The following TLN2 variants were observed in gnomAD, a reference collection of about 807,000 sequenced individuals.
The protein encoded by TLN2 is talin-2.
Under a neutral mutation model 294.7 loss-of-function variants are expected in TLN2, and 118 were observed. The observed-to-expected ratio is 0.40, with a 90% CI of 0.34 to 0.47. The LOEUF (loss-of-function observed/expected upper bound fraction) is 0.47. Ranked by LOEUF, TLN2 falls within the 20% of genes least tolerant of loss-of-function variation. The pLI is 0.84. For synonymous variants in TLN2, 1,431 were observed against 1,304.5 expected (o/e 1.10, Z -2.09); for missense variants, 3,083 against 3,282.2 (o/e 0.94, Z 1.48).
rs1596604852 is a variant in TLN2, at chr15:62,670,736, T to C, written c.789-3091T>C. On this transcript the variant is annotated intron_variant, in intron 9 of 58. Transcript: ENST00000636159. ...TGGACTTTTGAGTTATTATCATCTTTTGGCTATCATTAATAATGCTGCTGT... is the reference window on the plus strand; with the variant it reads ...TGGACTTTTGAGTTATTATCATCTTCTGGCTATCATTAATAATGCTGCTGT... Among the ~76,000 whole-genome samples, 3 of 152,234 alleles carry C rather than the reference T, an allele frequency of 2.0e-5. No homozygotes were observed. The South Asian group carries it at 6.2e-4, about 31-fold the overall frequency.
At chr15:62,761,952 T>C (rs2062704868) in intron 38 of TLN2, 131 bp downstream of exon 38, 1 of 1,234,456 alleles carries the variant, frequency 8.1e-7, no homozygotes, top group Non-Finnish European at 1.2e-6. Context: ...TTGTCAATGA[T>C]GGCATGTGCA....
intron 1 of TLN2, among the ~76,000 whole-genome samples, chr15:62,568,925 C>T (rs1230536932): frequency 1.3e-5 from 2 of 152,136 alleles, no homozygotes; most frequent in Non-Finnish European, 1.5e-5. Context: ...CAGCTGGTGG[C>T]TTGTAACGAC....
intron 1 of TLN2, among the ~76,000 whole-genome samples, chr15:62,588,694 A>ATT (rs1488336251): frequency 1.5e-5 from 2 of 130,790 alleles, no homozygotes; most frequent in African/African-American, 6.4e-5. Flanking sequence ...ATATATATAT[A>ATT]TATATATATA....
intron 13 of TLN2, among the ~76,000 whole-genome samples, chr15:62,693,970 T>TTTG (rs2058126459): frequency 8.1e-6 from 1 of 123,238 alleles, no homozygotes. Context: ...TTTTTTTTTT[T>TTTG]TTTTTTTTTT....
chr15:62,690,751 C>G (rs1288187795), intron 12 of TLN2, among the ~76,000 whole-genome samples: 2 of 150,726 alleles, frequency 1.3e-5, no homozygotes, highest in Non-Finnish European at 2.9e-5. Flanking sequence ...CAGACTCCGT[C>G]TGCAATCCCG....
At chr15:62,449,706 A>G (rs1083866) in intron 1 of TLN2, among the ~76,000 whole-genome samples, 121,600 of 152,056 alleles carry the variant, frequency 0.8, 48,819 homozygotes, top group East Asian at 1. Flanking sequence ...GCCCAAGGAG[A>G]TTGAGGCTGC....
intron 15 of TLN2, 132 bp downstream of exon 15, chr15:62,698,000 T>C: frequency 1.7e-6 from 2 of 1,177,376 alleles, no homozygotes; most frequent in Non-Finnish European, 2.3e-6. Flanking sequence ...CTCGTTCAGC[T>C]GTGCATTTTT....
chr15:62,697,556 C>A, intron 14 of TLN2, 132 bp from the exon 15 acceptor site: 1 of 915,454 alleles, frequency 1.1e-6, no homozygotes, highest in Admixed American at 2.8e-5. Flanking sequence ...TCCTGCTTCT[C>A]AGTCTGTATG....
intron 1 of TLN2, among the ~76,000 whole-genome samples, chr15:62,400,200 C>T (rs2032918976): frequency 1.3e-5 from 2 of 152,184 alleles, no homozygotes; most frequent in Non-Finnish European, 2.9e-5. Context: ...ATGTTTGCTT[C>T]CCCTTCTGCC....
chr15:62,701,975 G>T lies in TLN2; in HGVS notation c.1697-17G>T. The T allele has an allele frequency of 6.2e-7, 1 of 1,613,560 alleles. No individual in the cohort carries two copies. Among genetic ancestry groups the T allele is most frequent in the Middle Eastern group, 1.7e-4 (1 of 6,034 alleles). On this transcript the variant is annotated splice_polypyrimidine_tract_variant and intron_variant, in intron 17 of 58. Coordinates refer to ENST00000636159, the MANE Select transcript of TLN2 (RefSeq NM_015059.3). The stretch of plus-strand genomic sequence containing the variant: ...CATGTGCCCTCCTTTGATGGGGATG[G>T]TTCTTTTCTGTGCCAGGTGACCCTG...
At chr15:62,491,286 CA>C (rs1480242016) in intron 1 of TLN2, among the ~76,000 whole-genome samples, 1 of 150,450 alleles carries the variant, frequency 6.6e-6, no homozygotes, top group Non-Finnish European at 1.5e-5. Context: ...GAAATTGTGC[CA>C]CTGCACTCCA....
At chr15:62,637,846 C>T (rs2050551114) in intron 3 of TLN2, 1 of 152,292 alleles carries the variant, frequency 6.6e-6, no homozygotes, top group Non-Finnish European at 1.5e-5. Flanking sequence ...GGATGCTGGG[C>T]TGACGGGTAA....
chr15:62,825,755 A>T lies in TLN2; in HGVS notation c.7002+5145A>T, dbSNP rs2068008274. Among the ~76,000 whole-genome samples, 11 of 103,166 alleles carry T rather than the reference A, an allele frequency of 1.1e-4. 1 individual carries two copies. The highest frequency in any genetic ancestry group is 5.2e-4 in the African/African-American group (11 of 21,136). The allele number at this position is 103,166 out of a possible 152,430, so 67.7% of individuals were successfully genotyped here. A position where few individuals can be genotyped will look rare whatever the true frequency, so the allele number is the denominator to read the frequency against. On this transcript the variant is annotated intron_variant, in intron 54 of 58. Coordinates refer to ENST00000636159, the MANE Select transcript of TLN2 (RefSeq NM_015059.3). ...ATATATTTTTATATATATTAAATAT[A>T]ATTATAATTATATATTATATAATAT...
chr15:62,757,484 A>G (rs2062360365), intron 37 of TLN2, among the ~76,000 whole-genome samples: 2 of 152,212 alleles, frequency 1.3e-5, no homozygotes, highest in Admixed American at 6.5e-5. Flanking sequence ...CCAACGGAGT[A>G]AAAACAGGAA....
chr15:62,422,477 A>G lies in TLN2; in HGVS notation c.-238+31792A>G, dbSNP rs188902173. Among the ~76,000 whole-genome samples, 67 of 152,330 alleles carry G rather than the reference A, an allele frequency of 4.4e-4. 1 individual carries two copies. The highest frequency in any genetic ancestry group is 3.4e-3 in the Middle Eastern group (1 of 294). On this transcript the variant is annotated intron_variant, in intron 1 of 58. Coordinates refer to ENST00000636159, the MANE Select transcript of TLN2 (RefSeq NM_015059.3). The stretch of plus-strand genomic sequence containing the variant: ...AGTTAGTTGCTATTAATATAAAATT[A>G]TAGTTTTTACTGTATTACAGTAATT...
At chr15:62,399,187 G>T (rs377090253) in intron 1 of TLN2, among the ~76,000 whole-genome samples, 258 of 138,026 alleles carry the variant, frequency 1.9e-3, no homozygotes, top group African/African-American at 6.2e-3. Flanking sequence ...GATTTCGGAG[G>T]CTGTATAGAA....
chr15:62,811,881 G>A (rs530001493), intron 52 of TLN2, among the ~76,000 whole-genome samples: 3 of 151,930 alleles, frequency 2.0e-5, no homozygotes, highest in Non-Finnish European at 4.4e-5. Flanking sequence ...GCATGGTGGT[G>A]GGTGCCTGTA....
chr15:62,486,452 GTTTTTTT>G (rs34975634), intron 1 of TLN2, among the ~76,000 whole-genome samples: 5 of 93,290 alleles, frequency 5.4e-5, no homozygotes, highest in South Asian at 6.3e-4. Context: ...CAGTTCCTTT[GTTTTTTT>G]TTTTTTTTTT....
At chr15:62,619,770 G>C (rs1315345604) in intron 3 of TLN2, among the ~76,000 whole-genome samples, 4 of 152,104 alleles carry the variant, frequency 2.6e-5, no homozygotes, top group Non-Finnish European at 5.9e-5. Flanking sequence ...AGCCTTGGAG[G>C]GTAGCGTGTT....
Sources: allele counts gnomAD v4.1 joint callset (sites outside exome capture counted in the v4.1 genomes callset), GRCh38; gene constraint gnomAD v4.1.1; transcripts MANE v1.5; gene names NCBI Gene and HGNC (gene_info 2026-07-23, HGNC 2026-07-21).